Variants in ABHD8 observed in about 807,000 individuals in gnomAD.
The protein encoded by ABHD8 is protein ABHD8.
In ABHD8, 10 loss-of-function variants were observed where a neutral mutation model predicts 29.3. That is an observed-to-expected ratio of 0.34 (90% CI 0.21 to 0.58). The LOEUF is 0.58. ABHD8 is among the 20% of genes least tolerant of loss of function. The pLI, the probability that ABHD8 is intolerant of heterozygous loss-of-function variation, is 0.85. For missense variants in ABHD8, 556 were observed against 615.3 expected (o/e 0.90, Z 1.02); for synonymous variants, 282 against 274.6 (o/e 1.03, Z -0.27).
rs552697445 is a variant in ABHD8, at chr19:17,293,404, G to A, written c.1150-573C>T. ...GAGCCACCGCGCCCGGCCTGGAGGA[G>A]GATTTTGTCAACTTCAACTCTACCA... On this transcript the variant is annotated intron_variant, in intron 4 of 4. Coordinates refer to ENST00000247706, the MANE Select transcript of ABHD8 (RefSeq NM_024527.5). 7.7e-5 allele frequency among the ~76,000 whole-genome samples: 11 copies of A among 142,892 alleles called. No individual in the cohort carries two copies. In the South Asian group the frequency reaches 2.5e-3, roughly 33 times the overall value. The allele number at this position is 142,892 out of a possible 152,430, so 93.7% of individuals were successfully genotyped here. A position where few individuals can be genotyped will look rare whatever the true frequency, so the allele number is the denominator to read the frequency against.
intron 2 of ABHD8, among the ~76,000 whole-genome samples, chr19:17,300,079 T>C (rs2074110766): frequency 6.6e-6 from 1 of 151,876 alleles, no homozygotes; most frequent in African/African-American, 2.4e-5. Flanking sequence ...TAATTTTTTG[T>C]ATTTTTAGTA....
At chr19:17,299,241 C>CCCA (rs1555720800) in intron 2 of ABHD8, among the ~76,000 whole-genome samples, 4 of 128,308 alleles carry the variant, frequency 3.1e-5, no homozygotes, top group African/African-American at 7.8e-5. Flanking sequence ...GAGACCCCCC[C>CCCA]CCCATTCTCT....
At chr19:17,300,743 G>A (rs1414200670) in intron 2 of ABHD8, 113 bp downstream of exon 2, 1 of 1,342,902 alleles carries the variant, frequency 7.4e-7, no homozygotes, top group East Asian at 2.4e-5. Flanking sequence ...CTCCCAAAGT[G>A]CTGGGATTAC....
At chr19:17,300,041 A>C (rs1454736892) in intron 2 of ABHD8, among the ~76,000 whole-genome samples, 1 of 150,306 alleles carries the variant, frequency 6.7e-6, no homozygotes, top group Non-Finnish European at 1.5e-5. Context: ...AGTAGCTGGG[A>C]CTATAGGTGC....
chr19:17,299,922 C>T (rs1412519343), intron 2 of ABHD8, among the ~76,000 whole-genome samples: 2 of 144,960 alleles, frequency 1.4e-5, no homozygotes, highest in African/African-American at 2.6e-5. Flanking sequence ...TTTTTCATGA[C>T]GGAGTCTCCT....
chr19:17,292,512 C>T lies in ABHD8; in HGVS notation c.*149G>A. The T allele has an allele frequency of 2.1e-6, 2 of 937,766 alleles. No homozygotes were observed. The highest frequency in any genetic ancestry group is 3.5e-5 in the Admixed American group (1 of 28,712). The allele number at this position is 937,766 out of a possible 1,614,324, so 58.1% of individuals were successfully genotyped here. A position where few individuals can be genotyped will look rare whatever the true frequency, so the allele number is the denominator to read the frequency against. ...GGCTCCCTCGGATGCCACGCCCCGC[C>T]CAGGCAGCCTGGGGGCGTCTCCCTG... On this transcript the variant is annotated 3_prime_UTR_variant, in exon 5 of 5. Transcript: ENST00000247706.
rs1460643835 is a variant in ABHD8, at chr19:17,292,522, TG to T, written c.*138del. On this transcript the variant is annotated 3_prime_UTR_variant, in exon 5 of 5. Transcript: ENST00000247706. ...GATGCCACGCCCCGCCCAGGCAGCCTGGGGGCGTCTCCCTGACCTGGCCCCG... is the reference window on the plus strand; with the variant it reads ...GATGCCACGCCCCGCCCAGGCAGCCTGGGGCGTCTCCCTGACCTGGCCCCG... The T allele has an allele frequency of 1.2e-5, 12 of 1,030,178 alleles. No individual in the cohort carries two copies. The highest frequency in any genetic ancestry group is 4.0e-6 in the Non-Finnish European group (3 of 751,644). The allele number at this position is 1,030,178 out of a possible 1,614,324, so 63.8% of individuals were successfully genotyped here.
rs768277553 is a variant in ABHD8, at chr19:17,301,443, A to G, written c.174T>C (p.Pro58=). The G allele has an allele frequency of 6.2e-7, 1 of 1,611,992 alleles. No homozygotes were observed. The highest frequency in any genetic ancestry group is 8.5e-7 in the Non-Finnish European group (1 of 1,179,788). The part of the protein sequence containing the change: ...HAGPAPAAAP[P]PPSSASSDAA... ...CATCCGAGGATGCGGATGATGGTGG[A>G]GGTGGGGCAGCGGCTGGGGCGGGTC... The change falls in exon 2 of 5, where the codon CCT becomes CCC. Residue 58 remains proline (P), a synonymous_variant. Coordinates refer to ENST00000247706, the MANE Select transcript of ABHD8 (RefSeq NM_024527.5).
rs556716539 is a variant in ABHD8 at position 17,294,873 on chromosome 19, G to A, written c.762-28C>T. 27 of 1,605,584 alleles carry A rather than the reference G, an allele frequency of 1.7e-5. No individual in the cohort carries two copies. The South Asian group carries it at 2.3e-4, about 14-fold the overall frequency. ...GCCCGGAACGGGTGGGGTGATAGGA[G>A]GATTGAAGGGAGGCGGTCAGCAGGA... On this transcript the variant is annotated intron_variant, in intron 2 of 4. Coordinates refer to ENST00000247706, the MANE Select transcript of ABHD8 (RefSeq NM_024527.5).
At chr19:17,299,194 G>A (rs552468642) in intron 2 of ABHD8, among the ~76,000 whole-genome samples, 2 of 151,372 alleles carry the variant, frequency 1.3e-5, no homozygotes, top group South Asian at 2.1e-4. Context: ...AGGATGGCTT[G>A]AGCCCAGGAG....
Position 17,292,673 on chromosome 19 carries a change from T to C in ABHD8, c.1308A>G (p.Glu436=), listed in dbSNP as rs763458545. The part of the protein sequence containing the change: ...ALPEPLPAPP[E]DKK ...GCCGGCCCAGCGGCTACTTCTTGTC[T>C]TCTGGAGGCGCCGGCAGTGGCTCCG... The change falls in exon 5 of 5, where the codon GAA becomes GAG. Residue 436 remains glutamate, a synonymous_variant. Coordinates refer to ENST00000247706, the MANE Select transcript of ABHD8 (RefSeq NM_024527.5). 1 of 1,611,044 alleles carries C rather than the reference T, an allele frequency of 6.2e-7. No homozygotes were observed. The highest frequency in any genetic ancestry group is 1.1e-5 in the South Asian group (1 of 90,678).
intron 2 of ABHD8, among the ~76,000 whole-genome samples, chr19:17,297,348 T>G (rs1192863515): frequency 2.0e-5 from 3 of 151,914 alleles, no homozygotes; most frequent in Non-Finnish European, 4.4e-5. Flanking sequence ...CAGGCTGGAG[T>G]GCAATGGTGC....
chr19:17,294,739 T>C lies in ABHD8; in HGVS notation c.868A>G (p.Ile290Val), dbSNP rs750996957. 216 of 1,614,054 alleles carry C rather than the reference T, an allele frequency of 1.3e-4. No individual in the cohort carries two copies. Among genetic ancestry groups the C allele is most frequent in the Non-Finnish European group, 1.7e-4 (202 of 1,180,040 alleles). ...AGGACGCAGGTGGGCATGTTGAAGA[T>C]TGAGCAGAAGCTGGGCTCCAGCGCC... ...PTALEPSFCSIFNMPTCVLHC... is the reference protein window; with the variant it reads ...PTALEPSFCSVFNMPTCVLHC... The change falls in exon 3 of 5, where the codon ATC (isoleucine) becomes GTC (valine). Residue 290 changes from isoleucine (I) to valine (V), a missense_variant. Coordinates refer to ENST00000247706, the MANE Select transcript of ABHD8 (RefSeq NM_024527.5).
In ABHD8 at chr19:17,303,273, C is replaced by T. The variant is rs919466194; in HGVS notation, c.-40G>A. On this transcript the variant is annotated 5_prime_UTR_variant, in exon 1 of 5. Transcript: ENST00000247706. ...GAGGGCCGCGGGGCCCGGGTCGGGG[C>T]GGAGGGGTCCCAGGCGGAGAAGCCA... The T allele has an allele frequency of 1.3e-5, 2 of 152,284 alleles. No homozygotes were observed. Among genetic ancestry groups the T allele is most frequent in the Non-Finnish European group, 2.9e-5 (2 of 68,076 alleles). The allele number at this position is 152,284 out of a possible 1,614,324, so 9.4% of individuals were successfully genotyped here.
chr19:17,294,176 CGG>C, intron 4 of ABHD8, 110 bp downstream of exon 4: 1 of 1,346,340 alleles, frequency 7.4e-7, no homozygotes, highest in South Asian at 1.4e-5. Context: ...CACGCCCCCT[CGG>C]GAAGAAAGCA....
chr19:17,292,482 C>G lies in ABHD8; in HGVS notation c.*179G>C. 1 of 709,078 alleles carries G rather than the reference C, an allele frequency of 1.4e-6. No individual in the cohort carries two copies. 43.9% of individuals were successfully genotyped at this position (709,078 alleles called of 1,614,324 possible). ...GGACGGAAGCGGAGAGCGGAATGTC[C>G]GCTGGGCTCCCTCGGATGCCACGCC... On this transcript the variant is annotated 3_prime_UTR_variant, in exon 5 of 5. Coordinates refer to ENST00000247706, the MANE Select transcript of ABHD8 (RefSeq NM_024527.5).
Position 17,301,569 on chromosome 19 carries a change from C to A in ABHD8, c.48G>T (p.Thr16=). ...TDGIFCCLLG[T]PPNAVGPLES... ...CCAGTGGCCCCACGGCGTTGGGGGGCGTGCCCAGCAGGCAACAGAAGATAC... is the reference window on the plus strand; with the variant it reads ...CCAGTGGCCCCACGGCGTTGGGGGGAGTGCCCAGCAGGCAACAGAAGATAC... Residue 16 remains threonine, a synonymous_variant, in exon 2 of 5, where the codon ACG becomes ACT. Coordinates refer to ENST00000247706, the MANE Select transcript of ABHD8 (RefSeq NM_024527.5). 3.8e-6 allele frequency: 6 copies of A among 1,595,166 alleles called. No individual in the cohort carries two copies. The highest frequency in any genetic ancestry group is 3.4e-6 in the Non-Finnish European group (4 of 1,169,866).
Position 17,292,260 on chromosome 19 carries a change from C to T in ABHD8, c.*401G>A. The T allele has an allele frequency of 3.4e-6, 1 of 290,774 alleles. No individual in the cohort carries two copies. The highest frequency in any genetic ancestry group is 2.2e-5 in the African/African-American group (1 of 45,834). 18.0% of individuals were successfully genotyped at this position (290,774 alleles called of 1,614,324 possible). A position where few individuals can be genotyped will look rare whatever the true frequency, so the allele number is the denominator to read the frequency against. On this transcript the variant is annotated 3_prime_UTR_variant, in exon 5 of 5. Transcript: ENST00000247706. ...GAGGAATGGGGGGTAGGAAGGGTCT[C>T]GGATAACGGGATGGGGCCTCGAGGG...
In ABHD8 at chr19:17,300,855, C is replaced by T; in HGVS notation, c.761+1G>A. ...CACCCCACATGCCAGGGTTCACTTACCCGTAGGAATGGCCAATGAGCACAT... is the reference window on the plus strand; with the variant it reads ...CACCCCACATGCCAGGGTTCACTTATCCGTAGGAATGGCCAATGAGCACAT... On this transcript the variant is annotated splice_donor_variant, in intron 2 of 4. Coordinates refer to ENST00000247706, the MANE Select transcript of ABHD8 (RefSeq NM_024527.5). LOFTEE classifies it high-confidence loss of function. The T allele has an allele frequency of 6.3e-7, 1 of 1,585,900 alleles. No individual in the cohort carries two copies. The highest frequency in any genetic ancestry group is 8.6e-7 in the Non-Finnish European group (1 of 1,161,320).
Sources: gnomAD v4.1 joint callset for allele counts (sites outside exome capture counted in the v4.1 genomes callset) on GRCh38, gnomAD v4.1.1 for gene constraint, MANE v1.5 for transcripts, NCBI Gene and HGNC (gene_info 2026-07-23, HGNC 2026-07-21) for gene names.